STEAP1B: variants seen among roughly 807,000 people sequenced by gnomAD.
STEAP1B encodes STEAP family protein MGC87042.
A neutral mutation model predicts 27.9 loss-of-function variants in STEAP1B; 13 were observed. The ratio of observed to expected loss-of-function variants is 0.47; its 90% CI spans 0.30 to 0.74. The LOEUF is 0.74. STEAP1B is among the 30% of genes least tolerant of loss of function. The pLI, the probability that STEAP1B is intolerant of heterozygous loss-of-function variation, is 0.06. For missense variants in STEAP1B, 250 were observed against 298.7 expected, an observed-to-expected ratio of 0.84 and a Z score of 1.20; for synonymous variants, 86 against 107.1, an observed-to-expected ratio of 0.80 and a Z score of 1.22.
chr7:22,431,475 T>A (rs929231537), intron 4 of STEAP1B, among the ~76,000 whole-genome samples: 29 of 152,230 alleles, frequency 1.9e-4, no homozygotes, highest in African/African-American at 6.5e-4. Flanking sequence ...CGCTGTGGCC[T>A]GGCGATGAAG....
At chr7:22,460,910 T>C (rs185851348) in intron 4 of STEAP1B, among the ~76,000 whole-genome samples, 27 of 152,350 alleles carry the variant, frequency 1.8e-4, no homozygotes, top group Admixed American at 7.8e-4. Flanking sequence ...ATTGTATTAC[T>C]GACTTTAAAG....
intron 4 of STEAP1B, among the ~76,000 whole-genome samples, chr7:22,465,505 A>G (rs984952163): frequency 6.6e-6 from 1 of 152,124 alleles, no homozygotes; most frequent in African/African-American, 2.4e-5. Flanking sequence ...GGTCTAGGTA[A>G]TTCTTCTGTT....
At chr7:22,468,194 T>TA (rs1030908514) in intron 4 of STEAP1B, among the ~76,000 whole-genome samples, 3 of 152,162 alleles carry the variant, frequency 2.0e-5, no homozygotes, top group Admixed American at 6.6e-5. Flanking sequence ...TTATTTATAC[T>TA]AAAAAAATTT....
intron 4 of STEAP1B, among the ~76,000 whole-genome samples, chr7:22,483,169 A>C (rs1195017527): frequency 1.3e-5 from 2 of 149,806 alleles, no homozygotes; most frequent in Non-Finnish European, 3.0e-5. Context: ...ACTGTCTAGG[A>C]AAAAATGTCA....
At chr7:22,481,780 G>A (rs1265693653) in intron 4 of STEAP1B, among the ~76,000 whole-genome samples, 6 of 152,198 alleles carry the variant, frequency 3.9e-5, no homozygotes, top group Admixed American at 6.5e-5. Context: ...ACACAGTCAC[G>A]TAAAGCCAGA....
chr7:22,491,726 G>A (rs1191067977), intron 4 of STEAP1B, among the ~76,000 whole-genome samples: 2 of 152,146 alleles, frequency 1.3e-5, no homozygotes, highest in Non-Finnish European at 2.9e-5. Context: ...TCTGGGTTGA[G>A]ATTATAGAAA....
At chr7:22,429,125 C>T (rs113235631) in intron 4 of STEAP1B, among the ~76,000 whole-genome samples, 211 of 152,304 alleles carry the variant, frequency 1.4e-3, no homozygotes, top group Non-Finnish European at 2.4e-3. Flanking sequence ...TCATCATTAT[C>T]CAGGGCACTG....
chr7:22,445,944 A>C (rs1235917609), intron 4 of STEAP1B, among the ~76,000 whole-genome samples: 1 of 152,170 alleles, frequency 6.6e-6, no homozygotes, highest in Non-Finnish European at 1.5e-5. Context: ...ACAACTGGAG[A>C]GTTTTTAAAA....
intron 4 of STEAP1B, among the ~76,000 whole-genome samples, chr7:22,463,008 T>C (rs1363239577): frequency 6.6e-6 from 1 of 152,158 alleles, no homozygotes; most frequent in Non-Finnish European, 1.5e-5. Context: ...TTTCATGTGT[T>C]TTTTGGCTGC....
At chr7:22,498,669 G>A (rs1372020935) in intron 1 of STEAP1B, among the ~76,000 whole-genome samples, 5 of 152,244 alleles carry the variant, frequency 3.3e-5, no homozygotes, top group Admixed American at 1.3e-4. Flanking sequence ...ATGGTAGAGC[G>A]ATGTATCCTA....
At chr7:22,495,337 G>A (rs1302465693) in intron 1 of STEAP1B, 1 of 152,326 alleles carries the variant, frequency 6.6e-6, no homozygotes, top group Non-Finnish European at 1.5e-5. Context: ...TGACACTGGA[G>A]TCTGAAACAG....
intron 4 of STEAP1B, among the ~76,000 whole-genome samples, chr7:22,465,926 G>C (rs1785771512): frequency 6.6e-6 from 1 of 152,124 alleles, no homozygotes; most frequent in Admixed American, 6.6e-5. Flanking sequence ...AAAACTCAGA[G>C]CCTCGATCTC....
chr7:22,486,633 C>G (rs193031262), intron 4 of STEAP1B, among the ~76,000 whole-genome samples: 2 of 152,234 alleles, frequency 1.3e-5, no homozygotes, highest in East Asian at 3.9e-4. Context: ...GACCAGTTCT[C>G]ATCTTCTCCT....
At chr7:22,468,904 T>C (rs1304679433) in intron 4 of STEAP1B, among the ~76,000 whole-genome samples, 2 of 152,246 alleles carry the variant, frequency 1.3e-5, no homozygotes, top group Non-Finnish European at 2.9e-5. Flanking sequence ...ACAAAAGCAC[T>C]GCACATGCAA....
intron 4 of STEAP1B, among the ~76,000 whole-genome samples, chr7:22,434,253 C>T (rs111715742): frequency 1.2e-3 from 178 of 152,260 alleles, no homozygotes; most frequent in African/African-American, 4.2e-3. Context: ...GTGTCTGTAC[C>T]GCCTTCCTTG....
chr7:22,470,428 G>A (rs1024629077), intron 4 of STEAP1B, among the ~76,000 whole-genome samples: 3 of 152,094 alleles, frequency 2.0e-5, no homozygotes, highest in African/African-American at 7.2e-5. Context: ...GAATTGACAA[G>A]TCTCCCCTTC....
At chr7:22,495,844 A>G (rs1467455164) in intron 1 of STEAP1B, among the ~76,000 whole-genome samples, 1 of 152,234 alleles carries the variant, frequency 6.6e-6, no homozygotes, top group Non-Finnish European at 1.5e-5. Flanking sequence ...GACTGACTGC[A>G]TATGTAACAG....
At chr7:22,489,892 T>C (rs1786289874) in intron 4 of STEAP1B, among the ~76,000 whole-genome samples, 1 of 152,228 alleles carries the variant, frequency 6.6e-6, no homozygotes, top group African/African-American at 2.4e-5. Context: ...CCTATCCGTA[T>C]ATCTGGGTTA....
intron 4 of STEAP1B, among the ~76,000 whole-genome samples, chr7:22,430,271 C>A (rs906580588): frequency 6.6e-6 from 1 of 152,166 alleles, no homozygotes; most frequent in African/African-American, 2.4e-5. Context: ...TAATAATGTT[C>A]TCACAGGATT....
Sources: allele counts gnomAD v4.1 joint callset (sites outside exome capture counted in the v4.1 genomes callset), GRCh38; gene constraint gnomAD v4.1.1; transcripts MANE v1.5; gene names NCBI Gene and HGNC (gene_info 2026-07-23, HGNC 2026-07-21).